Variants in DDX10 observed in about 807,000 individuals in gnomAD.
The protein encoded by DDX10 is probable ATP-dependent RNA helicase DDX10.
Under a neutral mutation model 104.3 loss-of-function variants are expected in DDX10, and 74 were observed. That is an observed-to-expected ratio of 0.71 (90% CI 0.59 to 0.86). The LOEUF is 0.86. Among genes scored for constraint, DDX10 ranks in the 40% least tolerant of loss-of-function variants. DDX10 has a pLI of 0.00. For synonymous variants in DDX10, 351 were observed against 353.4 expected (o/e 0.99, Z 0.08); for missense variants, 952 against 1,040.0 (o/e 0.92, Z 1.16).
intron 13 of DDX10, among the ~76,000 whole-genome samples, chr11:108,794,164 G>T (rs938559938): frequency 3.3e-5 from 5 of 151,858 alleles, no homozygotes; most frequent in African/African-American, 1.2e-4. Context: ...ACTTCCCTTT[G>T]ATAAACTAAT....
intron 17 of DDX10, among the ~76,000 whole-genome samples, chr11:108,924,004 A>G (rs1403636714): frequency 6.6e-6 from 1 of 152,022 alleles, no homozygotes; most frequent in African/African-American, 2.4e-5. Flanking sequence ...CTTGATTCTG[A>G]GCATATAAGA....
chr11:108,841,656 T>C (rs572012134), intron 15 of DDX10, among the ~76,000 whole-genome samples, 180 bp downstream of exon 15: 78 of 152,338 alleles, frequency 5.1e-4, no homozygotes, highest in South Asian at 4.1e-3. Flanking sequence ...AGTCTGTATA[T>C]TGACTCGTTT....
At chr11:108,738,250 AC>A (rs2094320717) in intron 13 of DDX10, among the ~76,000 whole-genome samples, 1 of 40,256 alleles carries the variant, frequency 2.5e-5, no homozygotes, top group Admixed American at 3.8e-4. Context: ...CTGAGACTGA[AC>A]TTTTTTTTTT....
chr11:108,851,114 G>A lies in DDX10; in HGVS notation c.2248-1039G>A, dbSNP rs372559623. ...TGTAGTTCCTTGATATATAGCTATAGTCTTAATGTAAGCAACAAAACACTC... is the reference window on the plus strand; with the variant it reads ...TGTAGTTCCTTGATATATAGCTATAATCTTAATGTAAGCAACAAAACACTC... On this transcript the variant is annotated intron_variant, in intron 15 of 17. Coordinates refer to ENST00000322536, the MANE Select transcript of DDX10 (RefSeq NM_004398.4). 3.9e-5 allele frequency among the ~76,000 whole-genome samples: 6 copies of A among 152,098 alleles called. No individual in the cohort carries two copies. The East Asian group carries it at 1.2e-3, about 29-fold the overall frequency.
chr11:108,748,009 G>A (rs2094333915), intron 13 of DDX10, among the ~76,000 whole-genome samples: 1 of 152,104 alleles, frequency 6.6e-6, no homozygotes, highest in African/African-American at 2.4e-5. Flanking sequence ...ATAGACTGAT[G>A]TGCGTGCAAA....
chr11:108,733,575 C>G lies in DDX10; in HGVS notation c.1965+10113C>G, dbSNP rs571563428. Among the ~76,000 whole-genome samples, 7 of 152,260 alleles carry G rather than the reference C, an allele frequency of 4.6e-5. No individual in the cohort carries two copies. In the East Asian group the frequency reaches 7.7e-4, roughly 17 times the overall value. ...TCACTTACTTCCTTGCCTAATGTTG[C>G]ATAGTTAGTGAAGCGCTAGCACTGG... On this transcript the variant is annotated intron_variant, in intron 13 of 17. Coordinates refer to ENST00000322536, the MANE Select transcript of DDX10 (RefSeq NM_004398.4).
At chr11:108,900,644 C>T (rs151242591) in intron 16 of DDX10, among the ~76,000 whole-genome samples, 4 of 152,144 alleles carry the variant, frequency 2.6e-5, no homozygotes, top group Non-Finnish European at 5.9e-5. Context: ...GTTGCACAAC[C>T]GGAATGGTGG....
intron 16 of DDX10, among the ~76,000 whole-genome samples, chr11:108,870,094 A>T (rs991386165): frequency 5.3e-5 from 8 of 152,180 alleles, no homozygotes; most frequent in Non-Finnish European, 1.2e-4. Flanking sequence ...GTATATGGGA[A>T]TTCTGTACTA....
intron 16 of DDX10, among the ~76,000 whole-genome samples, chr11:108,869,945 T>C (rs913709822): frequency 1.4e-5 from 2 of 145,946 alleles, no homozygotes; most frequent in African/African-American, 4.9e-5. Context: ...CCTATTTGAC[T>C]TTATCTTAAA....
intron 16 of DDX10, among the ~76,000 whole-genome samples, chr11:108,903,334 T>G (rs1276691614): frequency 6.6e-6 from 1 of 152,182 alleles, no homozygotes; most frequent in Non-Finnish European, 1.5e-5. Context: ...GCGATGGGCT[T>G]CTTTCACCTA....
At chr11:108,856,061 T>C (rs1485371078) in intron 16 of DDX10, among the ~76,000 whole-genome samples, 1 of 152,200 alleles carries the variant, frequency 6.6e-6, no homozygotes, top group African/African-American at 2.4e-5. Flanking sequence ...TAAGGTAATC[T>C]CTGTACAACA....
At chr11:108,678,493 C>T in intron 5 of DDX10, 58 bp downstream of exon 5, 1 of 1,402,710 alleles carries the variant, frequency 7.1e-7, no homozygotes, top group Non-Finnish European at 9.5e-7. Flanking sequence ...AGGAGAGAGC[C>T]CTTATACATT....
chr11:108,855,325 A>G (rs1476762609), intron 16 of DDX10, among the ~76,000 whole-genome samples: 1 of 152,202 alleles, frequency 6.6e-6, no homozygotes, highest in African/African-American at 2.4e-5. Context: ...CACAAGTGCT[A>G]GTAGGAATCC....
intron 13 of DDX10, among the ~76,000 whole-genome samples, chr11:108,828,108 T>C (rs1038986226): frequency 6.6e-6 from 1 of 152,188 alleles, no homozygotes; most frequent in Admixed American, 6.5e-5. Context: ...ACAAACATAA[T>C]ATATTTGCTA....
intron 16 of DDX10, among the ~76,000 whole-genome samples, chr11:108,873,309 A>G (rs1272619384): frequency 6.6e-6 from 1 of 152,178 alleles, no homozygotes; most frequent in African/African-American, 2.4e-5. Flanking sequence ...GTAGGATGAT[A>G]TTTATCAAAA....
At chr11:108,810,153 A>G (rs1346721256) in intron 13 of DDX10, among the ~76,000 whole-genome samples, 1 of 152,148 alleles carries the variant, frequency 6.6e-6, no homozygotes, top group Non-Finnish European at 1.5e-5. Context: ...GTATAATATA[A>G]TAAGTGTTCA....
intron 13 of DDX10, among the ~76,000 whole-genome samples, chr11:108,815,460 A>G (rs914594730): frequency 1.2e-4 from 19 of 152,214 alleles, no homozygotes; most frequent in Admixed American, 1.0e-3. Context: ...TTCTGTATAC[A>G]CAGGTTTTAT....
At chr11:108,769,284 T>C (rs533917097) in intron 13 of DDX10, among the ~76,000 whole-genome samples, 1 of 152,224 alleles carries the variant, frequency 6.6e-6, no homozygotes, top group East Asian at 1.9e-4. Context: ...TATTCCTTTA[T>C]CTGTGCTTTC....
intron 16 of DDX10, among the ~76,000 whole-genome samples, chr11:108,916,734 C>T (rs578262662): frequency 2.6e-5 from 4 of 152,206 alleles, no homozygotes; most frequent in East Asian, 1.9e-4. Flanking sequence ...CTGCTTGTTT[C>T]GGTTTATCTG....
Sources: allele counts gnomAD v4.1 joint callset (sites outside exome capture counted in the v4.1 genomes callset), GRCh38; gene constraint gnomAD v4.1.1; transcripts MANE v1.5; gene names NCBI Gene and HGNC (gene_info 2026-07-23, HGNC 2026-07-21).